SH3TC1: variants seen among roughly 807,000 people sequenced by gnomAD.
SH3TC1 encodes SH3 domain and tetratricopeptide repeat-containing protein 1.
In SH3TC1, 135 loss-of-function variants were observed where a neutral mutation model predicts 117.3. That is an observed-to-expected ratio of 1.15 (90% CI 1.00 to 1.33). The LOEUF is 1.33. Ranked by LOEUF, SH3TC1 falls within the 40% of genes most tolerant of loss-of-function variation. The pLI is 0.00. For missense variants in SH3TC1, 2,092 were observed against 1,794.3 expected, an observed-to-expected ratio of 1.17 and a Z score of -3.00; for synonymous variants, 898 against 816.9, an observed-to-expected ratio of 1.10 and a Z score of -1.69.
At position 8,212,765 on chromosome 4, in the gene SH3TC1, G is replaced by A. The variant is rs1426724576; in HGVS notation, c.312G>A (p.Gln104=). The part of the protein sequence containing the change: ...KSRLRDPGLQ[Q]TLRGQLRLLE... ...GACTGCGGGACCCCGGCCTACAGCA[G>A]ACCCTCCGGGGCCAGCTCCGCCTGC... is the stretch of plus-strand genomic sequence containing the variant. Residue 104 remains glutamine (Q), a synonymous_variant, in exon 4 of 18, where the codon CAG becomes CAA. Coordinates refer to ENST00000245105, the MANE Select transcript of SH3TC1 (RefSeq NM_018986.5). 1.2e-6 allele frequency: 2 copies of A among 1,612,128 alleles called. No homozygotes were observed. Among genetic ancestry groups the A allele is most frequent in the African/African-American group, 1.3e-5 (1 of 74,928 alleles).
In SH3TC1 at chr4:8,237,577, G is replaced by C; in HGVS notation, c.3660G>C (p.Ser1220=). The change falls in exon 17 of 18, where the codon TCG becomes TCC. Residue 1220 remains serine, a synonymous_variant. Transcript: ENST00000245105. ...LAEHFYLKAL[S]LCNSPLEFDE... ...AGCACTTCTACCTCAAGGCCCTGTCGCTCTGCAACTCGCCGCTGGAGTTTG... is the reference window on the plus strand; with the variant it reads ...AGCACTTCTACCTCAAGGCCCTGTCCCTCTGCAACTCGCCGCTGGAGTTTG... The C allele has an allele frequency of 3.1e-6, 5 of 1,612,244 alleles. No homozygotes were observed. Among genetic ancestry groups the C allele is most frequent in the Non-Finnish European group, 4.2e-6 (5 of 1,179,568 alleles).
chr4:8,228,248 C>A lies in SH3TC1; in HGVS notation c.2554C>A (p.Arg852=), dbSNP rs779525059. 5.0e-6 allele frequency: 8 copies of A among 1,611,264 alleles called. No homozygotes were observed. The highest frequency in any genetic ancestry group is 6.8e-6 in the Non-Finnish European group (8 of 1,179,058). ...PVALDILQSV[R]DAVVASEDQE... ...GGCCCTGGACATCCTGCAGTCTGTC[C>A]GGGATGCAGTGGTGGCCAGCGAGGA... The change falls in exon 12 of 18, where the codon CGG becomes AGG. Residue 852 remains arginine (R), a synonymous_variant. Coordinates refer to ENST00000245105, the MANE Select transcript of SH3TC1 (RefSeq NM_018986.5).
Position 8,228,344 on chromosome 4 carries a change from G to T in SH3TC1, c.2650G>T (p.Glu884Ter), listed in dbSNP as rs977654713. ...KRTGRTRQAAESYYRALRVAR... is the reference protein window; with the variant it reads ...KRTGRTRQAA Reference sequence around the variant, plus strand: ...GACGGGCCGGACGAGGCAGGCAGCTGAGAGCTACTACCGCGCCCTGCGGGT... The same window carrying T: ...GACGGGCCGGACGAGGCAGGCAGCTTAGAGCTACTACCGCGCCCTGCGGGT... The change falls in exon 12 of 18, where the codon GAG (glutamate) becomes TAG (stop). Residue 884 changes from glutamate to a stop codon, truncating the protein, a stop_gained. Transcript: ENST00000245105. LOFTEE classifies it high-confidence loss of function. 1.9e-6 allele frequency: 3 copies of T among 1,611,650 alleles called. No individual in the cohort carries two copies. In the South Asian group the frequency reaches 3.3e-5, roughly 18 times the overall value.
chr4:8,211,514 C>T (rs551545839), intron 3 of SH3TC1, among the ~76,000 whole-genome samples: 3 of 22,786 alleles, frequency 1.3e-4, no homozygotes, highest in African/African-American at 2.4e-4. Context: ...TCCCTGCTCT[C>T]CTTCTCCCCT....
chr4:8,205,913 G>A lies in SH3TC1; in HGVS notation c.172+547G>A. The A allele has an allele frequency of 1.9e-6, 1 of 520,152 alleles. No individual in the cohort carries two copies. The highest frequency in any genetic ancestry group is 3.3e-5 in the Admixed American group (1 of 30,234). 32.2% of individuals were successfully genotyped at this position (520,152 alleles called of 1,614,324 possible). A position where few individuals can be genotyped will look rare whatever the true frequency, so the allele number is the denominator to read the frequency against. On this transcript the variant is annotated intron_variant, in intron 2 of 17. Coordinates refer to ENST00000245105, the MANE Select transcript of SH3TC1 (RefSeq NM_018986.5). The surrounding 1 kb of genome is among the most constrained non-coding windows in gnomAD (Gnocchi z 5.4). ...TGAGACCCTGAAGGGGACGAGGGGAGAGGCAGGGGAGACCAAGGCCTGCAC... is the reference window on the plus strand; with the variant it reads ...TGAGACCCTGAAGGGGACGAGGGGAAAGGCAGGGGAGACCAAGGCCTGCAC...
In SH3TC1 at chr4:8,186,090, G is replaced by A. The variant is rs1233006091; in HGVS notation, c.-57+3880G>A. On this transcript the variant is annotated intron_variant, in intron 1 of 16. Transcript: ENST00000508641. This position sits in a 1 kb window ranked among gnomAD's most constrained non-coding sequence, Gnocchi z 5.2. ...CGCGGGCCCCTCGCTGTTTTACTGTGGAGTTGTCGATTTTTTCCTCTGGTG... is the reference window on the plus strand; with the variant it reads ...CGCGGGCCCCTCGCTGTTTTACTGTAGAGTTGTCGATTTTTTCCTCTGGTG... Among the ~76,000 whole-genome samples, 1 of 152,178 alleles carries A rather than the reference G, an allele frequency of 6.6e-6. No individual in the cohort carries two copies. The highest frequency in any genetic ancestry group is 1.5e-5 in the Non-Finnish European group (1 of 68,044).
At chr4:8,215,024 TAAC>T in intron 5 of SH3TC1, 1 of 413,568 alleles carries the variant, frequency 2.4e-6, no homozygotes. Flanking sequence ...ACTAGCAAGA[TAAC>T]AACACTGGTG....
chr4:8,228,963 G>A (rs1349943867), intron 12 of SH3TC1, among the ~76,000 whole-genome samples: 1 of 152,190 alleles, frequency 6.6e-6, no homozygotes, highest in African/African-American at 2.4e-5. Flanking sequence ...CCCTGGAAGC[G>A]AGGCAGGCTC....
intron 1 of SH3TC1, among the ~76,000 whole-genome samples, chr4:8,202,728 G>A (rs888992264): frequency 6.6e-6 from 1 of 152,198 alleles, no homozygotes. Flanking sequence ...AGCATCCCCA[G>A]GGAGCCTTCC....
rs775608954 is a variant in SH3TC1 at position 8,214,536 on chromosome 4, A to C, written c.437A>C (p.Lys146Thr). The change falls in exon 5 of 18, where the codon AAG becomes ACG. Residue 146 changes from lysine to threonine, a missense_variant. Transcript: ENST00000245105. ...CAGGACCGGATCGTGGTGACGTTTA[A>C]GACTTTTGAAGAAATCTGGAAGTTT... ...SDQDRIVVTF[K>T]TFEEIWKFST... 6.2e-7 allele frequency: 1 copy of C among 1,613,882 alleles called. No individual in the cohort carries two copies. The highest frequency in any genetic ancestry group is 1.3e-5 in the African/African-American group (1 of 74,908).
chr4:8,204,537 T>A (rs1406009330), intron 1 of SH3TC1, among the ~76,000 whole-genome samples: 1 of 152,168 alleles, frequency 6.6e-6, no homozygotes, highest in Non-Finnish European at 1.5e-5. Context: ...AGGCCCCCCA[T>A]GACCAAGCCC....
At chr4:8,219,051 GA>G (rs1719631675) in intron 8 of SH3TC1, among the ~76,000 whole-genome samples, 1 of 152,098 alleles carries the variant, frequency 6.6e-6, no homozygotes, top group Admixed American at 6.5e-5. Flanking sequence ...GCTGCAGAAG[GA>G]AAGGAGGAAA....
chr4:8,225,213 A>G lies in SH3TC1; in HGVS notation c.1282A>G (p.Lys428Glu). 3 of 1,613,742 alleles carry G rather than the reference A, an allele frequency of 1.9e-6. No individual in the cohort carries two copies. Among genetic ancestry groups the G allele is most frequent in the Non-Finnish European group, 2.5e-6 (3 of 1,179,862 alleles). Residue 428 changes from lysine to glutamate, a missense_variant, in exon 11 of 18, where the codon AAA becomes GAA. Physicochemically the swap from Lys to Glu is moderately conservative, Grantham distance 56 (BLOSUM62 1). Transcript: ENST00000245105. This position sits in a 1 kb window ranked among gnomAD's most constrained non-coding sequence, Gnocchi z 5.5. ...AGCTGAGACCGAGCAGCCGCAGGAAAAAGGTGGGTTTTGCCAGTGGCTCAG... is the reference window on the plus strand; with the variant it reads ...AGCTGAGACCGAGCAGCCGCAGGAAGAAGGTGGGTTTTGCCAGTGGCTCAG... ...EEAETEQPQE[K>E]EIPPPCLSLE...
chr4:8,226,511 C>T (rs1720468889), intron 11 of SH3TC1, among the ~76,000 whole-genome samples: 1 of 152,242 alleles, frequency 6.6e-6, no homozygotes, highest in Non-Finnish European at 1.5e-5. Flanking sequence ...GTAGCTCTGA[C>T]TGGCTGTTGA....
Position 8,239,597 on chromosome 4 carries a change from C to T in SH3TC1, c.3754-1101C>T, listed in dbSNP as rs115949515. On this transcript the variant is annotated intron_variant, in intron 17 of 17. Coordinates refer to ENST00000245105, the MANE Select transcript of SH3TC1 (RefSeq NM_018986.5). The stretch of plus-strand genomic sequence containing the variant: ...GCACAGAGGCACACGCACACAGGCA[C>T]GTGCACACACACAGGCATACACGGA... 4.0e-3 allele frequency among the ~76,000 whole-genome samples: 605 copies of T among 151,996 alleles called. 3 individuals are homozygous for T. Among genetic ancestry groups the T allele is most frequent in the African/African-American group, 0.013 (559 of 41,456 alleles).
intron 10 of SH3TC1, chr4:8,224,544 G>A (rs1350383002): frequency 2.0e-5 from 3 of 152,482 alleles, no homozygotes; most frequent in African/African-American, 7.2e-5. Context: ...CTGCACACCT[G>A]TTATCGCAGT....
At chr4:8,208,278 G>C (rs956184376) in intron 2 of SH3TC1, among the ~76,000 whole-genome samples, 21 of 152,254 alleles carry the variant, frequency 1.4e-4, no homozygotes, top group African/African-American at 5.1e-4. Flanking sequence ...GGCATCTGCG[G>C]GGTGTGTTTC....
chr4:8,198,942 C>CGTGT (rs147305036), upstream of SH3TC1, among the ~76,000 whole-genome samples: 2 of 151,708 alleles, frequency 1.3e-5, no homozygotes, highest in Non-Finnish European at 2.9e-5. Context: ...TGCAGGCATG[C>CGTGT]GTGTGTGTGT....
rs147548073 is a variant in SH3TC1 at position 8,209,791 on chromosome 4, C to A, written c.216C>A (p.Thr72=). ...PARVAGPAAG[T]PPCQMGVYPT... is the part of the protein sequence containing the mutation. ...GCGTGGCTGGGCCTGCTGCTGGGAC[C>A]CCTCCCTGCCAGATGGGGGTTTATC... The change falls in exon 3 of 18, where the codon ACC becomes ACA. Residue 72 remains threonine (T), a synonymous_variant. Transcript: ENST00000245105. This position sits in a 1 kb window ranked among gnomAD's most constrained non-coding sequence, Gnocchi z 5.9. The A allele has an allele frequency of 1.8e-4, 284 of 1,613,614 alleles. No individual in the cohort carries two copies. Among genetic ancestry groups the A allele is most frequent in the Admixed American group, 5.5e-4 (33 of 59,996 alleles).
Sources: gnomAD v4.1 joint callset for allele counts (sites outside exome capture counted in the v4.1 genomes callset) on GRCh38, gnomAD v4.1.1 for gene constraint, Gnocchi (gnomAD v3.1) non-coding constraint, MANE v1.5 for transcripts, NCBI Gene and HGNC (gene_info 2026-07-23, HGNC 2026-07-21) for gene names.